The following GATA4 variants were observed in gnomAD, a reference collection of about 807,000 sequenced individuals.
The protein encoded by GATA4 is transcription factor GATA-4.
In GATA4, 7 loss-of-function variants were observed where a neutral mutation model predicts 37.9. That is an observed-to-expected ratio of 0.18 (90% CI 0.11 to 0.35). The LOEUF (loss-of-function observed/expected upper bound fraction) is 0.35, where lower values mean the gene tolerates loss of function less well. GATA4 is among the 10% of genes least tolerant of loss of function. The probability of loss-of-function intolerance (pLI) is 1.00; values close to 1 mark genes in which losing one functional copy is unlikely to be tolerated. For synonymous variants in GATA4, 372 were observed against 292.6 expected, an observed-to-expected ratio of 1.27 and a Z score of -2.77; for missense variants, 647 against 653.0, an observed-to-expected ratio of 0.99 and a Z score of 0.10.
At chr8:11,732,676 G>T (rs530119945) in intron 2 of GATA4, among the ~76,000 whole-genome samples, 9 of 152,304 alleles carry the variant, frequency 5.9e-5, no homozygotes, top group African/African-American at 1.9e-4. Context: ...ATTTGAGGAG[G>T]ATGTGTGTCT....
chr8:11,680,549 T>C, intron 1 of GATA4: 1 of 985,448 alleles, frequency 1.0e-6, no homozygotes, highest in Non-Finnish European at 1.2e-6. Flanking sequence ...ACGTCCTTCG[T>C]GGTCGCACGC....
Position 11,708,963 on chromosome 8 carries a change from G to T in GATA4, c.616+35G>T. On this transcript the variant is annotated intron_variant, in intron 2 of 6. Transcript: ENST00000532059. This position sits in a 1 kb window ranked among gnomAD's most constrained non-coding sequence, Gnocchi z 6.7. ...AGCGCGAGGGCTGGGGCGCGTGAGGGCCGGGGCAGGGGCCGTCTTGAGCCC... is the reference window on the plus strand; with the variant it reads ...AGCGCGAGGGCTGGGGCGCGTGAGGTCCGGGGCAGGGGCCGTCTTGAGCCC... The T allele has an allele frequency of 6.6e-7, 1 of 1,514,158 alleles. No homozygotes were observed. The allele number at this position is 1,514,158 out of a possible 1,614,324, so 93.8% of individuals were successfully genotyped here.
At chr8:11,712,507 C>G (rs1800233047) in intron 2 of GATA4, among the ~76,000 whole-genome samples, 2 of 151,698 alleles carry the variant, frequency 1.3e-5, no homozygotes, top group African/African-American at 4.8e-5. Context: ...AGGAAAAGAA[C>G]CAGCAATTTT....
chr8:11,705,922 GA>G (rs1217702108), intron 1 of GATA4: 5 of 151,896 alleles, frequency 3.3e-5, no homozygotes, highest in African/African-American at 9.6e-5. Flanking sequence ...AGTTATGAAA[GA>G]AAAAAAATTA....
At chr8:11,702,477 A>T (rs1343219843), upstream of GATA4, among the ~76,000 whole-genome samples, 2 of 150,860 alleles carry the variant, frequency 1.3e-5, no homozygotes, top group Non-Finnish European at 3.0e-5. The surrounding 1 kb of genome is among the most constrained non-coding windows in gnomAD (Gnocchi z 4.4). Flanking sequence ...CTCGCCCCCC[A>T]CGAAGATGAT....
At chr8:11,681,443 G>T (rs1164420865) in intron 1 of GATA4, 11 of 983,166 alleles carry the variant, frequency 1.1e-5, no homozygotes, top group Non-Finnish European at 1.3e-5. Context: ...CGATCCCCGC[G>T]CAGACGCCGG....
intron 4 of GATA4, among the ~76,000 whole-genome samples, chr8:11,751,812 A>G (rs1484873979): frequency 1.3e-5 from 2 of 152,192 alleles, no homozygotes; most frequent in African/African-American, 2.4e-5. Flanking sequence ...GTTTGCTGCT[A>G]TGGATTTGGG....
At chr8:11,698,153 C>T (rs1799562928) in intron 1 of GATA4, among the ~76,000 whole-genome samples, 1 of 152,202 alleles carries the variant, frequency 6.6e-6, no homozygotes, top group Admixed American at 6.5e-5. Flanking sequence ...ACTCCCAGCT[C>T]GCCTTAACTT....
Position 11,707,143 on chromosome 8 carries a change from C to A in GATA4, c.-457-713C>A, listed in dbSNP as rs1799922533. Reference sequence around the variant, plus strand: ...GGCATTGTACATTCTTCTCACTTTTCTGGTTCTGATATACAATTTGCAAAA... The same window carrying A: ...GGCATTGTACATTCTTCTCACTTTTATGGTTCTGATATACAATTTGCAAAA... On this transcript the variant is annotated intron_variant, in intron 1 of 6. Transcript: ENST00000532059. The surrounding 1 kb of genome is among the most constrained non-coding windows in gnomAD (Gnocchi z 4.7). Among the ~76,000 whole-genome samples, 1 of 152,316 alleles carries A rather than the reference C, an allele frequency of 6.6e-6. No individual in the cohort carries two copies. Among genetic ancestry groups the A allele is most frequent in the South Asian group, 2.1e-4 (1 of 4,822 alleles).
intron 2 of GATA4, among the ~76,000 whole-genome samples, chr8:11,715,742 GA>G (rs886126457): frequency 4.1e-5 from 6 of 145,700 alleles, no homozygotes; most frequent in South Asian, 4.5e-4. Flanking sequence ...CTCCATCTCA[GA>G]AAAAAAAAAC....
Position 11,750,119 on chromosome 8 carries a change from C to T in GATA4, c.795C>T (p.Ser265=). ...TGTTTCCTGTCTTGCAGTCCGCCTC[C>T]CGCCGAGTGGGCCTCTCCTGTGCCA... ...LIKPQRRLSA[S]RRVGLSCANC... The change falls in exon 4 of 7, where the codon TCC becomes TCT. Residue 265 remains serine, a synonymous_variant. Transcript: ENST00000532059. 6.2e-7 allele frequency: 1 copy of T among 1,614,134 alleles called. No homozygotes were observed. The highest frequency in any genetic ancestry group is 8.5e-7 in the Non-Finnish European group (1 of 1,180,056).
chr8:11,712,894 C>G (rs917067639), intron 2 of GATA4, among the ~76,000 whole-genome samples: 1 of 152,066 alleles, frequency 6.6e-6, no homozygotes, highest in Admixed American at 6.6e-5. Context: ...AGGATATACT[C>G]TGCTTTACTA....
At chr8:11,693,011 ACCGAGGCTTCTGCCAGCGCCTGCGGGGC>A (rs1156484935) in intron 1 of GATA4, 1 of 985,188 alleles carries the variant, frequency 1.0e-6, no homozygotes, top group Non-Finnish European at 1.2e-6. Context: ...CCGGCCGCGC[ACCGAGGCTTCTGCCAGCGCCTGCGGGGC>A]CTCTGCGTGG....
chr8:11,738,198 AT>A (rs1187493361), intron 2 of GATA4, among the ~76,000 whole-genome samples: 1 of 150,836 alleles, frequency 6.6e-6, no homozygotes, highest in Non-Finnish European at 1.5e-5. Flanking sequence ...AAAAAAAAAA[AT>A]CACTATCACA....
intron 1 of GATA4, among the ~76,000 whole-genome samples, chr8:11,684,004 C>G (rs979506133): frequency 1.3e-5 from 2 of 152,248 alleles, no homozygotes; most frequent in Non-Finnish European, 2.9e-5. Flanking sequence ...ACTCCCAAGT[C>G]TCCGGGTTTA....
intron 2 of GATA4, among the ~76,000 whole-genome samples, chr8:11,711,850 G>C (rs548381503): frequency 6.6e-6 from 1 of 151,996 alleles, no homozygotes; most frequent in South Asian, 2.1e-4. Flanking sequence ...CTTTAGTGAG[G>C]ACCAGCATCA....
chr8:11,708,261 C>G lies in GATA4; in HGVS notation c.-52C>G. ...GTCGTTTTCTCTCCCCGCGTGGCTC[C>G]TTGACCTGCGAGGGAGAGAGAGGAC... On this transcript the variant is annotated 5_prime_UTR_variant, in exon 2 of 7. Transcript: ENST00000532059. The surrounding 1 kb of genome is among the most constrained non-coding windows in gnomAD (Gnocchi z 6.7). 3 of 1,544,998 alleles carry G rather than the reference C, an allele frequency of 1.9e-6. No homozygotes were observed. The highest frequency in any genetic ancestry group is 2.6e-6 in the Non-Finnish European group (3 of 1,151,206).
chr8:11,754,916 C>T, intron 4 of GATA4, 130 bp from the exon 5 acceptor site: 1 of 730,192 alleles, frequency 1.4e-6, no homozygotes, highest in South Asian at 1.5e-5. Flanking sequence ...CCTGTGCAGC[C>T]CGTCTGGGCC....
At position 11,743,551 on chromosome 8, in the gene GATA4, G is replaced by A. The variant is rs548222480; in HGVS notation, c.617-5365G>A. 2.1e-4 allele frequency among the ~76,000 whole-genome samples: 32 copies of A among 152,376 alleles called. 1 individual carries two copies. In the South Asian group the frequency reaches 5.6e-3, roughly 27 times the overall value. ...CCCCAGCGGCCAGCAGTGCCCAGGG[G>A]AGGGAGTGGAGAGCGGAACCGTGAC... On this transcript the variant is annotated intron_variant, in intron 2 of 6. Coordinates refer to ENST00000532059, the MANE Select transcript of GATA4 (RefSeq NM_001308093.3).
Sources: gnomAD v4.1 joint callset for allele counts (sites outside exome capture counted in the v4.1 genomes callset) on GRCh38, gnomAD v4.1.1 for gene constraint, Gnocchi (gnomAD v3.1) non-coding constraint, MANE v1.5 for transcripts, NCBI Gene and HGNC (gene_info 2026-07-23, HGNC 2026-07-21) for gene names.